RNF220: variants seen among roughly 807,000 people sequenced by gnomAD.
RNF220 encodes the protein E3 ubiquitin-protein ligase RNF220.
RNF220 carries 7 observed loss-of-function variants against 67.1 expected under a neutral mutation model. The ratio of observed to expected loss-of-function variants is 0.10; its 90% CI spans 0.06 to 0.20. RNF220 has a LOEUF of 0.20. Among genes scored for constraint, RNF220 ranks in the 10% least tolerant of loss-of-function variants. RNF220 has a pLI of 1.00. For synonymous variants in RNF220, 270 were observed against 283.2 expected (o/e 0.95, Z 0.47); for missense variants, 565 against 740.3 (o/e 0.76, Z 2.75).
intron 8 of RNF220, among the ~76,000 whole-genome samples, chr1:44,637,732 G>A (rs991814627): frequency 2.6e-5 from 4 of 152,172 alleles, no homozygotes; most frequent in Admixed American, 6.5e-5. Context: ...GCGGGTATCC[G>A]TTTTCCCTGA....
chr1:44,465,211 A>C (rs1654161676), intron 2 of RNF220, among the ~76,000 whole-genome samples: 1 of 152,134 alleles, frequency 6.6e-6, no homozygotes, highest in Non-Finnish European at 1.5e-5. Flanking sequence ...ATAAGGACAC[A>C]GCTCAAACCC....
At chr1:44,450,231 T>G (rs1652532065) in intron 2 of RNF220, among the ~76,000 whole-genome samples, 2 of 151,946 alleles carry the variant, frequency 1.3e-5, no homozygotes. Flanking sequence ...AGTCTGAAAG[T>G]GATTTCCCGT....
chr1:44,538,950 G>A (rs1661457582), intron 2 of RNF220, among the ~76,000 whole-genome samples: 1 of 147,926 alleles, frequency 6.8e-6, no homozygotes, highest in Non-Finnish European at 1.5e-5. Context: ...GCTGGGCGCG[G>A]TGGATCATGC....
chr1:44,544,358 T>C (rs1024030956), intron 2 of RNF220, among the ~76,000 whole-genome samples: 2 of 152,230 alleles, frequency 1.3e-5, no homozygotes, highest in Non-Finnish European at 2.9e-5. Context: ...CCTCTTGTTC[T>C]TGGCCCTGTG....
chr1:44,442,499 C>T (rs895467550), intron 2 of RNF220, among the ~76,000 whole-genome samples: 5 of 145,608 alleles, frequency 3.4e-5, no homozygotes, highest in African/African-American at 1.0e-4. Flanking sequence ...GCCCCGCTGC[C>T]GCACCACTCA....
At chr1:44,484,647 C>T (rs557640012) in intron 2 of RNF220, among the ~76,000 whole-genome samples, 1 of 152,246 alleles carries the variant, frequency 6.6e-6, no homozygotes, top group Admixed American at 6.5e-5. Context: ...AGCTGACTCA[C>T]ATCTGGAGGA....
chr1:44,404,946 G>A (rs1647218982), upstream of RNF220, among the ~76,000 whole-genome samples: 1 of 152,096 alleles, frequency 6.6e-6, no homozygotes, highest in Admixed American at 6.6e-5. Flanking sequence ...AGGAAAGGAA[G>A]AACAACAAGC....
chr1:44,537,720 A>G (rs1329029412), intron 2 of RNF220, among the ~76,000 whole-genome samples: 1 of 152,134 alleles, frequency 6.6e-6, no homozygotes, highest in Non-Finnish European at 1.5e-5. Flanking sequence ...GTTCCAAGAC[A>G]TCTTTCCATC....
At chr1:44,415,665 C>T (rs1432079409) in intron 2 of RNF220, among the ~76,000 whole-genome samples, 1 of 151,646 alleles carries the variant, frequency 6.6e-6, no homozygotes, top group Non-Finnish European at 1.5e-5. Flanking sequence ...CAGTCAAACT[C>T]CGAAGTAAGC....
chr1:44,519,193 C>T (rs999349333), intron 2 of RNF220, among the ~76,000 whole-genome samples: 2 of 152,076 alleles, frequency 1.3e-5, no homozygotes, highest in African/African-American at 2.4e-5. Context: ...TGTCAATAAG[C>T]GTGTTGTGTT....
chr1:44,486,323 G>A (rs1322639512), intron 2 of RNF220, among the ~76,000 whole-genome samples: 1 of 152,138 alleles, frequency 6.6e-6, no homozygotes, highest in Non-Finnish European at 1.5e-5. Context: ...CTCCAGCAGG[G>A]GCCAGAGCTT....
At chr1:44,485,284 C>A (rs887805244) in intron 2 of RNF220, among the ~76,000 whole-genome samples, 1 of 152,186 alleles carries the variant, frequency 6.6e-6, no homozygotes, top group Admixed American at 6.5e-5. Context: ...CTCCCTCCCC[C>A]CAATCTCCTG....
At chr1:44,450,791 G>A (rs1041254185) in intron 2 of RNF220, among the ~76,000 whole-genome samples, 1 of 152,138 alleles carries the variant, frequency 6.6e-6, no homozygotes, top group African/African-American at 2.4e-5. Context: ...TGGCACATAG[G>A]TTTTTATAGA....
chr1:44,646,651 G>A (rs375567158), intron 12 of RNF220, among the ~76,000 whole-genome samples: 15 of 152,242 alleles, frequency 9.9e-5, no homozygotes, highest in East Asian at 3.8e-4. Context: ...GATGGCGCCC[G>A]AGGGGGAGGT....
At chr1:44,618,931 G>A (rs59764933) in intron 3 of RNF220, among the ~76,000 whole-genome samples, 8,777 of 152,180 alleles carry the variant, frequency 0.058, 629 homozygotes, top group East Asian at 0.15. Flanking sequence ...GAATGATTGG[G>A]AGAGTGATGG....
chr1:44,585,377 A>G (rs270712), intron 2 of RNF220, among the ~76,000 whole-genome samples: 73,919 of 151,906 alleles, frequency 0.49, 18,097 homozygotes, highest in Middle Eastern at 0.59. Context: ...TGTGCTTCCT[A>G]AGACAACGGC....
intron 2 of RNF220, among the ~76,000 whole-genome samples, chr1:44,597,401 A>G (rs1342752150): frequency 6.6e-6 from 1 of 151,976 alleles, no homozygotes; most frequent in East Asian, 1.9e-4. Flanking sequence ...AAAGGAAAAC[A>G]AGACAGAAAA....
intron 2 of RNF220, among the ~76,000 whole-genome samples, chr1:44,573,682 A>C (rs1429496636): frequency 1.3e-5 from 2 of 152,216 alleles, no homozygotes; most frequent in East Asian, 3.8e-4. Flanking sequence ...TAGACTATAG[A>C]TGGTAGTTGA....
At chr1:44,502,269 T>C (rs948645362) in intron 2 of RNF220, among the ~76,000 whole-genome samples, 16 of 152,138 alleles carry the variant, frequency 1.1e-4, no homozygotes, top group Non-Finnish European at 2.4e-4. Context: ...TCCCAGTGTA[T>C]TCTGGGAGTC....
Sources: allele counts gnomAD v4.1 joint callset (sites outside exome capture counted in the v4.1 genomes callset), GRCh38; gene constraint gnomAD v4.1.1; transcripts MANE v1.5; gene names NCBI Gene and HGNC (gene_info 2026-07-23, HGNC 2026-07-21).